Variants in KCNB2 observed in about 807,000 individuals in gnomAD.
KCNB2 encodes delayed rectifier potassium channel protein.
Under a neutral mutation model 61.5 loss-of-function variants are expected in KCNB2, and 15 were observed. The ratio of observed to expected loss-of-function variants is 0.24; its 90% confidence interval spans 0.16 to 0.38. The LOEUF is 0.38. KCNB2 is among the 10% of genes least tolerant of loss of function. The pLI is 1.00. For missense variants in KCNB2, 828 were observed against 1,125.2 expected (o/e 0.74, Z 3.78); for synonymous variants, 457 against 446.0 (o/e 1.02, Z -0.31).
intron 2 of KCNB2, among the ~76,000 whole-genome samples, chr8:72,920,469 C>CTATATATATATATATA (rs1168802571): frequency 8.4e-5 from 6 of 71,272 alleles, no homozygotes; most frequent in African/African-American, 3.2e-4. Context: ...ATCTATCTAT[C>CTATATATATATATATA]TATCTATATA....
intron 2 of KCNB2, among the ~76,000 whole-genome samples, chr8:72,682,559 T>C (rs1040746100): frequency 1.3e-5 from 2 of 150,436 alleles, no homozygotes; most frequent in Non-Finnish European, 2.9e-5. Flanking sequence ...GTCAACACAG[T>C]TGTCCAGGAA....
chr8:72,826,356 T>G (rs1809596100), intron 2 of KCNB2, among the ~76,000 whole-genome samples: 1 of 152,078 alleles, frequency 6.6e-6, no homozygotes, highest in African/African-American at 2.4e-5. Context: ...TACATGTTGG[T>G]GTTTTGCATC....
In KCNB2 at chr8:72,700,322, C is replaced by A. The variant is rs182370394; in HGVS notation, c.579+132009C>A. On this transcript the variant is annotated intron_variant, in intron 2 of 2. Transcript: ENST00000523207. ...ACACATGTGTACCTATCTAACAAAC[C>A]TGCACGTTCTGCACATGTATCCCAG... Among the ~76,000 whole-genome samples, 7 of 152,168 alleles carry A rather than the reference C, an allele frequency of 4.6e-5. No homozygotes were observed. The East Asian group carries it at 1.2e-3, about 25-fold the overall frequency.
At chr8:72,558,818 A>C (rs1806467349) in intron 1 of KCNB2, among the ~76,000 whole-genome samples, 1 of 51,948 alleles carries the variant, frequency 1.9e-5, no homozygotes, top group Non-Finnish European at 3.3e-5. Context: ...CTACAGATGA[A>C]AGGTACCTGG....
At chr8:72,776,740 A>G (rs1212040486) in intron 2 of KCNB2, among the ~76,000 whole-genome samples, 1 of 152,304 alleles carries the variant, frequency 6.6e-6, no homozygotes, top group African/African-American at 2.4e-5. Context: ...ATCGGCATGC[A>G]GTATCCAGGT....
At chr8:72,797,125 A>G (rs1042240422) in intron 2 of KCNB2, among the ~76,000 whole-genome samples, 7 of 152,334 alleles carry the variant, frequency 4.6e-5, no homozygotes, top group African/African-American at 1.7e-4. Flanking sequence ...CTCAGATTCT[A>G]CTGGGCTCCT....
chr8:72,715,530 T>A (rs1807420414), intron 2 of KCNB2, among the ~76,000 whole-genome samples: 1 of 152,086 alleles, frequency 6.6e-6, no homozygotes, highest in Admixed American at 6.6e-5. Context: ...CTCAACTACA[T>A]GGAAACTGAA....
intron 2 of KCNB2, among the ~76,000 whole-genome samples, chr8:72,901,195 G>T (rs532538195): frequency 6.6e-6 from 1 of 152,178 alleles, no homozygotes; most frequent in Non-Finnish European, 1.5e-5. Flanking sequence ...AGCAAGCTGG[G>T]ATCCAGTGGG....
At chr8:72,679,896 A>G (rs1038774542) in intron 2 of KCNB2, among the ~76,000 whole-genome samples, 1 of 152,210 alleles carries the variant, frequency 6.6e-6, no homozygotes, top group African/African-American at 2.4e-5. Context: ...TGCTCTTGGC[A>G]GCTGATAACT....
intron 2 of KCNB2, among the ~76,000 whole-genome samples, chr8:72,633,130 C>A (rs531299675): frequency 1.1e-3 from 168 of 152,256 alleles, no homozygotes; most frequent in African/African-American, 3.8e-3. Flanking sequence ...CCTGCTTTCA[C>A]GCTCTTTCAG....
At chr8:72,792,575 A>G (rs1440841138) in intron 2 of KCNB2, among the ~76,000 whole-genome samples, 1 of 152,210 alleles carries the variant, frequency 6.6e-6, no homozygotes, top group Non-Finnish European at 1.5e-5. Flanking sequence ...TGGGCAGCCT[A>G]GGGAAAAAAC....
chr8:72,717,963 A>G (rs1429201847), intron 2 of KCNB2, among the ~76,000 whole-genome samples: 1 of 152,136 alleles, frequency 6.6e-6, no homozygotes, highest in Non-Finnish European at 1.5e-5. Context: ...AAACAAATTT[A>G]CAAGAAAAAA....
At chr8:72,651,606 A>G (rs1027663585) in intron 2 of KCNB2, among the ~76,000 whole-genome samples, 1 of 152,156 alleles carries the variant, frequency 6.6e-6, no homozygotes, top group Non-Finnish European at 1.5e-5. Context: ...CTAGAGGCCC[A>G]GATGTGGTTC....
chr8:72,763,954 T>C (rs911389505), intron 2 of KCNB2, among the ~76,000 whole-genome samples: 5 of 152,126 alleles, frequency 3.3e-5, no homozygotes, highest in Admixed American at 6.5e-5. Flanking sequence ...AAACAGAATA[T>C]ACAAGGCACA....
intron 2 of KCNB2, among the ~76,000 whole-genome samples, chr8:72,738,290 T>C (rs939130488): frequency 1.3e-5 from 2 of 152,178 alleles, no homozygotes; most frequent in Non-Finnish European, 2.9e-5. Context: ...TACAAACATG[T>C]ATCTTTCTGC....
rs1026082377 is a variant in KCNB2, at chr8:72,683,429, C to T, written c.579+115116C>T. Reference sequence around the variant, plus strand: ...TTGAAGTAGGGGGAGAGTTTGCAAGCAACTTAAAAAAATTAAAGAATCGAA... The same window carrying T: ...TTGAAGTAGGGGGAGAGTTTGCAAGTAACTTAAAAAAATTAAAGAATCGAA... On this transcript the variant is annotated intron_variant, in intron 2 of 2. Transcript: ENST00000523207. 2.6e-5 allele frequency among the ~76,000 whole-genome samples: 4 copies of T among 152,044 alleles called. 1 individual carries two copies. Among genetic ancestry groups the T allele is most frequent in the African/African-American group, 7.2e-5 (3 of 41,400 alleles).
intron 2 of KCNB2, among the ~76,000 whole-genome samples, chr8:72,830,057 A>G (rs1299783167): frequency 1.3e-5 from 2 of 151,896 alleles, no homozygotes; most frequent in Non-Finnish European, 2.9e-5. Flanking sequence ...TCAACTGAGA[A>G]TATCCAGTCT....
chr8:72,810,593 G>A (rs1481386411), intron 2 of KCNB2, among the ~76,000 whole-genome samples: 4 of 152,166 alleles, frequency 2.6e-5, no homozygotes, highest in Non-Finnish European at 5.9e-5. Context: ...ATGCCTGGAT[G>A]TCCCTAATGG....
At chr8:72,580,032 C>A (rs953353625) in intron 2 of KCNB2, among the ~76,000 whole-genome samples, 2 of 152,124 alleles carry the variant, frequency 1.3e-5, no homozygotes, top group Non-Finnish European at 2.9e-5. Flanking sequence ...ATACACTAAG[C>A]TTGTTGATTT....
Sources: allele counts gnomAD v4.1 joint callset (sites outside exome capture counted in the v4.1 genomes callset), GRCh38; gene constraint gnomAD v4.1.1; transcripts MANE v1.5; gene names NCBI Gene and HGNC (gene_info 2026-07-23, HGNC 2026-07-21).